The following SLC13A3 variants were observed in gnomAD, a reference collection of about 807,000 sequenced individuals.
SLC13A3 encodes Na(+)/dicarboxylate cotransporter 3.
SLC13A3 carries 40 observed loss-of-function variants against 59.0 expected under a neutral mutation model. That is an observed-to-expected ratio of 0.68 (90% CI 0.53 to 0.88). The LOEUF is 0.88. SLC13A3 is among the 40% of genes least tolerant of loss of function. The pLI is 0.00. For synonymous variants in SLC13A3, 317 were observed against 330.3 expected, an observed-to-expected ratio of 0.96 and a Z score of 0.44; for missense variants, 699 against 783.2, an observed-to-expected ratio of 0.89 and a Z score of 1.28.
intron 9 of SLC13A3, chr20:46,583,255 T>A: frequency 1.6e-6 from 1 of 606,804 alleles, no homozygotes; most frequent in Non-Finnish European, 2.1e-6. Flanking sequence ...CATGTAACTT[T>A]CACATGTAGT....
chr20:46,672,177 C>T (rs1291628418), upstream of SLC13A3, among the ~76,000 whole-genome samples: 1 of 152,242 alleles, frequency 6.6e-6, no homozygotes, highest in Non-Finnish European at 1.5e-5. Context: ...TCAGACACAG[C>T]TGCCTCTCTA....
chr20:46,658,888 C>T (rs930709378), intron 1 of SLC13A3, among the ~76,000 whole-genome samples: 1 of 152,096 alleles, frequency 6.6e-6, no homozygotes, highest in Admixed American at 6.6e-5. Context: ...GGTGGATTCA[C>T]CTTTCTATCA....
At chr20:46,640,059 A>G (rs546612048) in intron 1 of SLC13A3, among the ~76,000 whole-genome samples, 1 of 152,350 alleles carries the variant, frequency 6.6e-6, no homozygotes, top group South Asian at 2.1e-4. Flanking sequence ...GCTCACAAGC[A>G]TATCATGAGT....
intron 10 of SLC13A3, among the ~76,000 whole-genome samples, chr20:46,568,738 G>A (rs1296401344): frequency 6.6e-6 from 1 of 152,150 alleles, no homozygotes; most frequent in Non-Finnish European, 1.5e-5. Context: ...AGCTCTGTGC[G>A]CAATTAAAGG....
chr20:46,672,629 G>C (rs2063099805), upstream of SLC13A3, among the ~76,000 whole-genome samples: 2 of 152,172 alleles, frequency 1.3e-5, no homozygotes, highest in South Asian at 4.1e-4. Context: ...ACCTAGGTGA[G>C]CTTCTGACTG....
chr20:46,645,837 C>T (rs2062889218), intron 1 of SLC13A3, among the ~76,000 whole-genome samples: 3 of 152,156 alleles, frequency 2.0e-5, no homozygotes, highest in Non-Finnish European at 2.9e-5. Flanking sequence ...GTTTTCCATA[C>T]ATGATACCCA....
At chr20:46,627,819 G>A (rs78014378) in intron 1 of SLC13A3, among the ~76,000 whole-genome samples, 4,643 of 152,140 alleles carry the variant, frequency 0.031, 254 homozygotes, top group African/African-American at 0.1. Context: ...AGGGATCACC[G>A]GACTCTGTAC....
chr20:46,615,051 TGA>T (rs1432416772), intron 1 of SLC13A3, among the ~76,000 whole-genome samples: 2 of 152,184 alleles, frequency 1.3e-5, no homozygotes, highest in Non-Finnish European at 2.9e-5. Context: ...GTTCTCATAA[TGA>T]GAGTGATAAT....
At chr20:46,615,436 G>A (rs962079057) in intron 1 of SLC13A3, among the ~76,000 whole-genome samples, 1 of 152,172 alleles carries the variant, frequency 6.6e-6, no homozygotes, top group Non-Finnish European at 1.5e-5. Flanking sequence ...GGAGGCCAGG[G>A]AGGGACCACG....
At chr20:46,646,742 C>A (rs1230006801) in intron 1 of SLC13A3, among the ~76,000 whole-genome samples, 5 of 152,160 alleles carry the variant, frequency 3.3e-5, no homozygotes, top group Non-Finnish European at 7.4e-5. Context: ...AAATAAAAAA[C>A]TAAGAATTTA....
intron 1 of SLC13A3, among the ~76,000 whole-genome samples, chr20:46,625,593 A>T (rs925403983): frequency 6.6e-6 from 1 of 152,248 alleles, no homozygotes; most frequent in African/African-American, 2.4e-5. Flanking sequence ...ATCTCCCCAG[A>T]AAGTTCCTAC....
At chr20:46,647,242 ACT>A (rs1423220722) in intron 1 of SLC13A3, among the ~76,000 whole-genome samples, 1 of 151,698 alleles carries the variant, frequency 6.6e-6, no homozygotes, top group African/African-American at 2.4e-5. Flanking sequence ...GCATCCCCAA[ACT>A]CTTCCTTCTC....
intron 8 of SLC13A3, 148 bp from the exon 9 acceptor site, chr20:46,583,817 C>T (rs1258475654): frequency 2.7e-6 from 4 of 1,470,526 alleles, no homozygotes; most frequent in Non-Finnish European, 3.6e-6. Context: ...TTCTGTCCTT[C>T]AGTGCGCTCA....
At chr20:46,567,750 C>A (rs2061993159) in intron 10 of SLC13A3, among the ~76,000 whole-genome samples, 1 of 152,158 alleles carries the variant, frequency 6.6e-6, no homozygotes, top group African/African-American at 2.4e-5. Context: ...CACCTCTGTC[C>A]TCTCACCATC....
intron 3 of SLC13A3, among the ~76,000 whole-genome samples, chr20:46,607,745 A>C (rs2062450126): frequency 6.6e-6 from 1 of 152,332 alleles, no homozygotes; most frequent in Non-Finnish European, 1.5e-5. Flanking sequence ...TGGGAGGCAG[A>C]ATAATGGAGC....
chr20:46,682,574 A>G (rs1419005130), intron 1 of SLC13A3, among the ~76,000 whole-genome samples: 1 of 152,084 alleles, frequency 6.6e-6, no homozygotes, highest in Non-Finnish European at 1.5e-5. Context: ...TGGTTCTGCC[A>G]TTTACTAACT....
At chr20:46,626,157 C>G (rs1290604216) in intron 1 of SLC13A3, among the ~76,000 whole-genome samples, 1 of 150,786 alleles carries the variant, frequency 6.6e-6, no homozygotes, top group East Asian at 2.0e-4. Flanking sequence ...GTCTCTCTCT[C>G]CCCCCTTCTT....
At chr20:46,635,704 A>G (rs1047738951) in intron 1 of SLC13A3, among the ~76,000 whole-genome samples, 1 of 152,206 alleles carries the variant, frequency 6.6e-6, no homozygotes, top group Non-Finnish European at 1.5e-5. Flanking sequence ...GCTGGGCTGC[A>G]TTCCCAGGAA....
At chr20:46,603,266 G>A (rs1361314564) in intron 3 of SLC13A3, among the ~76,000 whole-genome samples, 1 of 152,120 alleles carries the variant, frequency 6.6e-6, no homozygotes, top group Non-Finnish European at 1.5e-5. Context: ...TTTAGGTTTT[G>A]GGGGGCCATG....
Sources: gnomAD v4.1 joint callset for allele counts (sites outside exome capture counted in the v4.1 genomes callset) on GRCh38, gnomAD v4.1.1 for gene constraint, MANE v1.5 for transcripts, NCBI Gene and HGNC (gene_info 2026-07-23, HGNC 2026-07-21) for gene names.